Variants in KLHDC2 observed in about 807,000 individuals in gnomAD.
KLHDC2 encodes kelch domain containing 2.
Under a neutral mutation model 62.3 loss-of-function variants are expected in KLHDC2, and 38 were observed. The ratio of observed to expected loss-of-function variants is 0.61; its 90% CI spans 0.47 to 0.80. KLHDC2 has a LOEUF of 0.80. Ranked by LOEUF, KLHDC2 falls within the 30% of genes least tolerant of loss-of-function variation. The pLI is 0.00. For synonymous variants in KLHDC2, 159 were observed against 161.0 expected (o/e 0.99, Z 0.09); for missense variants, 430 against 495.3 (o/e 0.87, Z 1.25).
Position 49,779,677 on chromosome 14 carries a change from T to TA in KLHDC2, c.714+4dup, listed in dbSNP as rs1566636941. 5 of 1,613,752 alleles carry TA rather than the reference T, an allele frequency of 3.1e-6. No individual in the cohort carries two copies. The highest frequency in any genetic ancestry group is 3.4e-6 in the Non-Finnish European group (4 of 1,179,624). On this transcript the variant is annotated splice_region_variant and intron_variant, in intron 7 of 12. Coordinates refer to ENST00000298307, the MANE Select transcript of KLHDC2 (RefSeq NM_014315.3). ...TTCGTGTTTGGAGGCAGATATCGAG[T>TA]AAGTATTCAAACGACTTCAATGACT...
At position 49,784,043 on chromosome 14, in the gene KLHDC2, A is replaced by ACAT. The variant is rs553869943; in HGVS notation, c.*1094_*1096dup. On this transcript the variant is annotated 3_prime_UTR_variant, in exon 13 of 13. Coordinates refer to ENST00000298307, the MANE Select transcript of KLHDC2 (RefSeq NM_014315.3). The stretch of plus-strand genomic sequence containing the variant: ...AGCCACTTCACTGTTCAGTTTCTTT[A>ACAT]CATCATGAAATGAATACTTGGTATT... 15 of 152,130 alleles carry ACAT rather than the reference A, an allele frequency of 9.9e-5. No individual in the cohort carries two copies. The South Asian group carries it at 3.1e-3, about 32-fold the overall frequency. 9.4% of individuals were successfully genotyped at this position (152,130 alleles called of 1,614,324 possible).
In KLHDC2 at chr14:49,768,635, C is replaced by G. The variant is rs745996967; in HGVS notation, c.153+14C>G. On this transcript the variant is annotated intron_variant, in intron 1 of 12. Coordinates refer to ENST00000298307, the MANE Select transcript of KLHDC2 (RefSeq NM_014315.3). ...GGCGGCTACAAGGTCAGTGAGTGGC[C>G]GGGCCGCGACGGACGTCGCTCGGCT... The G allele has an allele frequency of 4.1e-5, 64 of 1,566,814 alleles. No homozygotes were observed. Among genetic ancestry groups the G allele is most frequent in the Non-Finnish European group, 5.4e-5 (63 of 1,158,430 alleles).
chr14:49,783,017 G>A lies in KLHDC2; in HGVS notation c.*64G>A. ...AGCAATCCTGTAAACATCACAGAGT[G>A]GCATCATTTGTATAATTATATGCAT... On this transcript the variant is annotated 3_prime_UTR_variant, in exon 13 of 13. Transcript: ENST00000298307. 6.6e-7 allele frequency: 1 copy of A among 1,519,712 alleles called. No homozygotes were observed. Among genetic ancestry groups the A allele is most frequent in the Non-Finnish European group, 9.0e-7 (1 of 1,117,144 alleles). 94.1% of individuals were successfully genotyped at this position (1,519,712 alleles called of 1,614,324 possible).
At chr14:49,770,211 A>G (rs1216244271) in intron 1 of KLHDC2, among the ~76,000 whole-genome samples, 1 of 152,180 alleles carries the variant, frequency 6.6e-6, no homozygotes, top group Admixed American at 6.5e-5. Context: ...GAGCAGCACA[A>G]TCACTGAATT....
chr14:49,782,624 T>C (rs369566062), intron 12 of KLHDC2, 30 bp downstream of exon 12: 1 of 1,554,280 alleles, frequency 6.4e-7, no homozygotes, highest in Non-Finnish European at 8.8e-7. Flanking sequence ...GCACTTAGAT[T>C]ATTTAAAATT....
intron 3 of KLHDC2, among the ~76,000 whole-genome samples, chr14:49,776,932 A>T (rs200951642): frequency 2.8e-5 from 4 of 145,416 alleles, no homozygotes; most frequent in African/African-American, 1.0e-4. Context: ...AAAAAAAAGA[A>T]ATATATATAT....
Position 49,774,596 on chromosome 14 carries a change from CTA to C in KLHDC2, c.271_272del (p.Met91ValfsTer26). ...AACACTGAAGGTGATGTTCCTCCTT[CTA>C]TGTCAGGAAGCTGTGCTGTGTGTGT... On this transcript the variant is annotated frameshift_variant, in exon 3 of 13. Coordinates refer to ENST00000298307, the MANE Select transcript of KLHDC2 (RefSeq NM_014315.3). LOFTEE classifies it high-confidence loss of function. 1 of 1,613,946 alleles carries C rather than the reference CTA, an allele frequency of 6.2e-7. No individual in the cohort carries two copies. The highest frequency in any genetic ancestry group is 8.5e-7 in the Non-Finnish European group (1 of 1,179,830).
intron 3 of KLHDC2, among the ~76,000 whole-genome samples, chr14:49,775,302 A>C (rs1889747160): frequency 6.6e-6 from 1 of 152,222 alleles, no homozygotes; most frequent in South Asian, 2.1e-4. Context: ...CAACTTAGTA[A>C]GCACTTTATG....
At chr14:49,779,076 T>G (rs1251133322) in intron 6 of KLHDC2, among the ~76,000 whole-genome samples, 3 of 152,166 alleles carry the variant, frequency 2.0e-5, no homozygotes, top group Non-Finnish European at 4.4e-5. Context: ...ATATTTGCAT[T>G]ATATACTTAA....
At chr14:49,772,589 T>C (rs1242023180) in intron 2 of KLHDC2, among the ~76,000 whole-genome samples, 2 of 152,250 alleles carry the variant, frequency 1.3e-5, no homozygotes, top group Non-Finnish European at 2.9e-5. Context: ...GTTTTCCCCA[T>C]GGTGTGCTTT....
At chr14:49,781,236 G>A (rs1463315774) in intron 10 of KLHDC2, among the ~76,000 whole-genome samples, 2 of 152,072 alleles carry the variant, frequency 1.3e-5, no homozygotes, top group African/African-American at 2.4e-5. Context: ...GCGTGGTGGC[G>A]TATGCCTGTA....
intron 11 of KLHDC2, 32 bp from the exon 12 acceptor site, chr14:49,782,510 T>C: frequency 6.2e-7 from 1 of 1,600,926 alleles, no homozygotes; most frequent in Non-Finnish European, 8.5e-7. Context: ...AAGCATTTGC[T>C]TTTAAATGTG....
At chr14:49,779,933 A>G in intron 8 of KLHDC2, 127 bp downstream of exon 8, 1 of 685,532 alleles carries the variant, frequency 1.5e-6, no homozygotes, top group Non-Finnish European at 2.5e-6. Flanking sequence ...CATAATTACT[A>G]GGTCCTTAAG....
At position 49,785,968 on chromosome 14, in the gene KLHDC2, T is replaced by C. The variant is rs1890159409; in HGVS notation, c.*3015T>C. 6.6e-6 allele frequency: 1 copy of C among 151,598 alleles called. No individual in the cohort carries two copies. Among genetic ancestry groups the C allele is most frequent in the Non-Finnish European group, 1.5e-5 (1 of 68,148 alleles). The allele number at this position is 151,598 out of a possible 1,614,324, so 9.4% of individuals were successfully genotyped here. A position where few individuals can be genotyped will look rare whatever the true frequency, so the allele number is the denominator to read the frequency against. On this transcript the variant is annotated 3_prime_UTR_variant, in exon 13 of 13. Coordinates refer to ENST00000298307, the MANE Select transcript of KLHDC2 (RefSeq NM_014315.3). Reference sequence around the variant, plus strand: ...CCTGCTGTGGATTAAAATGATGCAATAATAACCACAAATAGATTTAAGTCC... The same window carrying C: ...CCTGCTGTGGATTAAAATGATGCAACAATAACCACAAATAGATTTAAGTCC...
At chr14:49,781,508 T>G (rs1039114685) in intron 10 of KLHDC2, among the ~76,000 whole-genome samples, 9 of 151,372 alleles carry the variant, frequency 5.9e-5, no homozygotes. Context: ...GCAGGCAGAG[T>G]GCTTTAACCC....
In KLHDC2 at chr14:49,777,871, A is replaced by C; in HGVS notation, c.384A>C (p.Arg128Ser). 1 of 1,608,400 alleles carries C rather than the reference A, an allele frequency of 6.2e-7. No homozygotes were observed. Among genetic ancestry groups the C allele is most frequent in the South Asian group, 1.1e-5 (1 of 90,538 alleles). Residue 128 changes from arginine to serine, a missense_variant, in exon 4 of 13, where the codon AGA becomes AGC. Arg to Ser is a moderately radical substitution (Grantham distance 110, BLOSUM62 -1). Transcript: ENST00000298307. The stretch of plus-strand genomic sequence containing the variant: ...TGCTGGATTCAAGGTCTACAGACAG[A>C]GTGTTACAGTGGGAAAGAATTGATT... ...FYMLDSRSTDRVLQWERIDCQ... is the reference protein window; with the variant it reads ...FYMLDSRSTDSVLQWERIDCQ...
At chr14:49,777,357 C>T (rs1259159943) in intron 3 of KLHDC2, among the ~76,000 whole-genome samples, 1 of 151,966 alleles carries the variant, frequency 6.6e-6, no homozygotes, top group African/African-American at 2.4e-5. Flanking sequence ...AAGAACTTAT[C>T]CATGTAACCA....
chr14:49,773,256 T>C (rs1889700084), intron 2 of KLHDC2, among the ~76,000 whole-genome samples: 1 of 149,314 alleles, frequency 6.7e-6, no homozygotes, highest in South Asian at 2.1e-4. Context: ...TACTAAAAAA[T>C]ACAAAAAATT....
intron 1 of KLHDC2, 40 bp from the exon 2 acceptor site, chr14:49,771,554 A>G (rs1417224580): frequency 1.1e-6 from 1 of 886,866 alleles, no homozygotes; most frequent in Non-Finnish European, 1.9e-6. Context: ...TGCCTCTTTA[A>G]AATACCAGTT....
Sources: gnomAD v4.1 joint callset for allele counts (sites outside exome capture counted in the v4.1 genomes callset) on GRCh38, gnomAD v4.1.1 for gene constraint, MANE v1.5 for transcripts, NCBI Gene and HGNC (gene_info 2026-07-23, HGNC 2026-07-21) for gene names.